The following B4GALT6 variants were observed in gnomAD, a reference collection of about 807,000 sequenced individuals.
The protein encoded by B4GALT6 is beta-1,4-galactosyltransferase 6, also known as UDP-Gal:beta-GlcNAc beta-1,4-galactosyltransferase 6.
Under a neutral mutation model 46.3 loss-of-function variants are expected in B4GALT6, and 14 were observed. That is an observed-to-expected ratio of 0.30 (90% CI 0.20 to 0.47). B4GALT6 has a LOEUF of 0.47. Among genes scored for constraint, B4GALT6 ranks in the 20% least tolerant of loss-of-function variants. The pLI, the probability that B4GALT6 is intolerant of heterozygous loss-of-function variation, is 0.99. For missense variants in B4GALT6, 386 were observed against 480.1 expected, an observed-to-expected ratio of 0.80 and a Z score of 1.83; for synonymous variants, 168 against 162.0, an observed-to-expected ratio of 1.04 and a Z score of -0.28.
intron 1 of B4GALT6, among the ~76,000 whole-genome samples, chr18:31,672,260 A>G (rs769214109): frequency 6.6e-6 from 1 of 152,246 alleles, no homozygotes; most frequent in African/African-American, 2.4e-5. Flanking sequence ...AAGTCTAGTG[A>G]ATAAATGATT....
At chr18:31,649,678 G>A (rs182982965) in intron 3 of B4GALT6, among the ~76,000 whole-genome samples, 1 of 149,998 alleles carries the variant, frequency 6.7e-6, no homozygotes, top group Admixed American at 6.6e-5. Flanking sequence ...CAAATCATCA[G>A]AGAAATGCAT....
At chr18:31,689,094 C>T (rs1405846555), upstream of B4GALT6, among the ~76,000 whole-genome samples, 3 of 152,166 alleles carry the variant, frequency 2.0e-5, no homozygotes, top group Non-Finnish European at 4.4e-5. Context: ...CTAGTCCTTG[C>T]TTGTCATCAG....
At chr18:31,649,639 CAACA>C (rs2074039365) in intron 3 of B4GALT6, among the ~76,000 whole-genome samples, 1 of 145,376 alleles carries the variant, frequency 6.9e-6, no homozygotes, top group Non-Finnish European at 1.5e-5. Context: ...TTCAAGTAGC[CAACA>C]AACAAAAAAA....
chr18:31,724,059 C>T, the B4GALT6 span: 1 of 318,798 alleles, frequency 3.1e-6, no homozygotes, highest in East Asian at 8.1e-5. Flanking sequence ...TCCGGCCGGG[C>T]AGGGCGGAAG....
At chr18:31,718,238 T>C in the B4GALT6 span, among the ~76,000 whole-genome samples, 2 of 152,192 alleles carry the variant, frequency 1.3e-5, 1 homozygote, top group South Asian at 4.1e-4. Flanking sequence ...ATATTTTTGG[T>C]TGTCTCAACT....
chr18:31,643,361 C>T (rs2073953967), intron 4 of B4GALT6, among the ~76,000 whole-genome samples: 1 of 152,112 alleles, frequency 6.6e-6, no homozygotes. Context: ...CGCAGTGGTG[C>T]GATCTCGGCT....
chr18:31,648,127 C>T (rs2074015294), intron 3 of B4GALT6, among the ~76,000 whole-genome samples: 1 of 152,148 alleles, frequency 6.6e-6, no homozygotes. Flanking sequence ...TGAAGAGATC[C>T]ACTGAACTCC....
At chr18:31,681,453 G>T (rs1042257811) in intron 1 of B4GALT6, among the ~76,000 whole-genome samples, 1 of 152,180 alleles carries the variant, frequency 6.6e-6, no homozygotes, top group African/African-American at 2.4e-5. Flanking sequence ...GAGTACTAAG[G>T]TTTATAATGT....
intron 2 of B4GALT6, among the ~76,000 whole-genome samples, chr18:31,664,504 T>A (rs535995375): frequency 6.6e-6 from 1 of 151,900 alleles, no homozygotes; most frequent in East Asian, 1.9e-4. Flanking sequence ...AAACTATGAC[T>A]TGGTGAGAGG....
chr18:31,633,317 C>A (rs1487064748), intron 5 of B4GALT6, among the ~76,000 whole-genome samples: 1 of 152,114 alleles, frequency 6.6e-6, no homozygotes, highest in Non-Finnish European at 1.5e-5. Context: ...TGCTCCTCTA[C>A]TTAAGAACCT....
intron 3 of B4GALT6, among the ~76,000 whole-genome samples, chr18:31,653,584 G>C (rs566139816): frequency 6.6e-6 from 1 of 151,702 alleles, no homozygotes; most frequent in African/African-American, 2.4e-5. Context: ...TGGGACTACA[G>C]GCACGCACCA....
rs2074197494 is a variant in B4GALT6, at chr18:31,660,321, A to G, written c.233-2232T>C. Among the ~76,000 whole-genome samples, 6 of 152,210 alleles carry G rather than the reference A, an allele frequency of 3.9e-5. No homozygotes were observed. In the South Asian group the frequency reaches 1.2e-3, roughly 32 times the overall value. ...TTTTCTTTTTGTTTTTGTTTTTAAA[A>G]AAAGGGCTTCTCTCTCTATGGGGAC... On this transcript the variant is annotated intron_variant, in intron 2 of 8. Transcript: ENST00000306851.
At chr18:31,683,955 C>A (rs111929456) in intron 1 of B4GALT6, among the ~76,000 whole-genome samples, 62 of 152,244 alleles carry the variant, frequency 4.1e-4, no homozygotes, top group African/African-American at 1.5e-3. Context: ...AATAAAACTA[C>A]GATTAAGCAC....
chr18:31,719,043 G>A, the B4GALT6 span: 1 of 152,184 alleles, frequency 6.6e-6, no homozygotes, highest in South Asian at 2.1e-4. Context: ...CCAAGAGGAT[G>A]ACCATCCCCA....
intron 1 of B4GALT6, among the ~76,000 whole-genome samples, chr18:31,671,545 C>A (rs1334571118): frequency 6.6e-6 from 1 of 152,164 alleles, no homozygotes; most frequent in Non-Finnish European, 1.5e-5. Context: ...TAAATATCTT[C>A]TTTTGAGAAG....
intron 3 of B4GALT6, among the ~76,000 whole-genome samples, chr18:31,651,005 A>T (rs920220475): frequency 5.1e-4 from 77 of 152,046 alleles, no homozygotes; most frequent in African/African-American, 1.9e-3. Context: ...TGAGCTTGTG[A>T]TCCACCCACC....
the B4GALT6 span, among the ~76,000 whole-genome samples, chr18:31,711,694 T>G: frequency 6.6e-6 from 1 of 152,214 alleles, no homozygotes; most frequent in Non-Finnish European, 1.5e-5. Flanking sequence ...ATGACTTTCC[T>G]ACTGATATAA....
chr18:31,685,402 G>A (rs2074535463), upstream of B4GALT6, among the ~76,000 whole-genome samples: 1 of 151,594 alleles, frequency 6.6e-6, no homozygotes, highest in Non-Finnish European at 1.5e-5. Flanking sequence ...GGGAGCCGCG[G>A]AGGAAAACCG....
rs1226727576 is a variant in B4GALT6 at position 31,629,458 on chromosome 18, T to TTTA, written c.776+1500_776+1501insTAA. On this transcript the variant is annotated intron_variant, in intron 6 of 8. Coordinates refer to ENST00000306851, the MANE Select transcript of B4GALT6 (RefSeq NM_004775.5). ...ATATGCCCTTTATGATTTTTTTTTTTTTTTTTTTTTTTTTTTTTTTTTTTT... is the reference window on the plus strand; with the variant it reads ...ATATGCCCTTTATGATTTTTTTTTTTTTATTTTTTTTTTTTTTTTTTTTTTTTT... 4.8e-3 allele frequency among the ~76,000 whole-genome samples: 567 copies of TTTA among 118,756 alleles called. 12 individuals carry two copies. Among genetic ancestry groups the TTTA allele is most frequent in the African/African-American group, 0.018 (530 of 29,696 alleles). 77.9% of individuals were successfully genotyped at this position (118,756 alleles called of 152,430 possible).
Sources: allele counts gnomAD v4.1 joint callset (sites outside exome capture counted in the v4.1 genomes callset), GRCh38; gene constraint gnomAD v4.1.1; transcripts MANE v1.5; gene names NCBI Gene and HGNC (gene_info 2026-07-23, HGNC 2026-07-21).